Variants in BACE1 observed in about 807,000 individuals in gnomAD.
BACE1 encodes the protein beta-secretase 1, also known as APP beta-secretase.
In BACE1, 21 loss-of-function variants were observed where a neutral mutation model predicts 54.0. That is an observed-to-expected ratio of 0.39 (90% CI 0.28 to 0.56). BACE1 has a LOEUF of 0.56. Ranked by LOEUF, BACE1 falls within the 20% of genes least tolerant of loss-of-function variation. The pLI, the probability that BACE1 is intolerant of heterozygous loss-of-function variation, is 0.63. For synonymous variants in BACE1, 232 were observed against 260.9 expected (o/e 0.89, Z 1.07); for missense variants, 511 against 661.2 (o/e 0.77, Z 2.49).
intron 1 of BACE1, among the ~76,000 whole-genome samples, chr11:117,307,766 G>A (rs1159739572): frequency 6.6e-6 from 1 of 152,258 alleles, no homozygotes; most frequent in Non-Finnish European, 1.5e-5. Context: ...CTGGTCTGGG[G>A]AGTAGAGGAG....
intron 1 of BACE1, among the ~76,000 whole-genome samples, chr11:117,300,076 A>G (rs1217343802): frequency 1.3e-5 from 2 of 151,880 alleles, no homozygotes; most frequent in Admixed American, 1.3e-4. Flanking sequence ...AGCTCTCTGC[A>G]GGGTACTCCC....
chr11:117,299,081 G>A (rs943473697), intron 1 of BACE1, among the ~76,000 whole-genome samples: 3 of 152,070 alleles, frequency 2.0e-5, no homozygotes, highest in African/African-American at 4.8e-5. Flanking sequence ...GCTGAGGCGT[G>A]AGCTACCATG....
Position 117,293,955 on chromosome 11 carries a change from A to G in BACE1, c.621T>C (p.Val207=). The change falls in exon 4 of 9, where the codon GTT becomes GTC. Residue 207 remains valine (V), a synonymous_variant. Transcript: ENST00000313005. This position sits in a 1 kb window ranked among gnomAD's most constrained non-coding sequence, Gnocchi z 4.1. ...AAAGCTGCAGGGAGAAGAGGTTGGG[A>G]ACGTGGGTCTGCTTTACCAGAGAGT... ...FFDSLVKQTH[V]PNLFSLQLCG... 1 of 1,614,068 alleles carries G rather than the reference A, an allele frequency of 6.2e-7. No homozygotes were observed. Among genetic ancestry groups the G allele is most frequent in the Non-Finnish European group, 8.5e-7 (1 of 1,179,982 alleles).
chr11:117,304,434 C>T (rs971994117), intron 1 of BACE1, among the ~76,000 whole-genome samples: 1 of 152,222 alleles, frequency 6.6e-6, no homozygotes, highest in Admixed American at 6.5e-5. Context: ...TTGGAGTAGT[C>T]TGTTACCCAG....
intron 1 of BACE1, among the ~76,000 whole-genome samples, chr11:117,305,831 C>T (rs529119463): frequency 3.3e-5 from 5 of 152,016 alleles, no homozygotes; most frequent in South Asian, 4.2e-4. Flanking sequence ...GTCAGGAGAT[C>T]GAGACCATCC....
rs762431188 is a variant in BACE1, at chr11:117,291,089, C to G, written c.943-40G>C. ...AGGGGATAACAATGAGGAAAAGCCT[C>G]TTTATCATCTCGCCCCTCCCATGTT... is the stretch of plus-strand genomic sequence containing the variant. On this transcript the variant is annotated intron_variant, in intron 6 of 8. Coordinates refer to ENST00000313005, the MANE Select transcript of BACE1 (RefSeq NM_012104.6). 4.4e-6 allele frequency: 7 copies of G among 1,603,838 alleles called. No homozygotes were observed. The East Asian group carries it at 1.3e-4, about 31-fold the overall frequency.
At chr11:117,297,621 C>CA (rs869068017) in intron 1 of BACE1, among the ~76,000 whole-genome samples, 91 of 145,520 alleles carry the variant, frequency 6.3e-4, no homozygotes, top group South Asian at 3.3e-3. Context: ...GTCTCAACAA[C>CA]AAAAAAAAAA....
chr11:117,292,799 C>T (rs1281164989), intron 5 of BACE1: 5 of 370,862 alleles, frequency 1.3e-5, no homozygotes, highest in East Asian at 5.6e-5. Context: ...CCCAAGGCTA[C>T]GAAGCAAGGC....
intron 8 of BACE1, 111 bp downstream of exon 8, chr11:117,290,377 C>T (rs2034387483): frequency 7.4e-7 from 1 of 1,353,118 alleles, no homozygotes; most frequent in South Asian, 1.5e-5. Flanking sequence ...GGGTTTGAGG[C>T]AACTGTTACT....
At chr11:117,291,533 C>T (rs1006137895) in intron 6 of BACE1, among the ~76,000 whole-genome samples, 179 bp downstream of exon 6, 1 of 152,180 alleles carries the variant, frequency 6.6e-6, no homozygotes, top group African/African-American at 2.4e-5. Flanking sequence ...ACCTTGGCCT[C>T]CCAAAGTGCT....
At chr11:117,295,417 T>C in intron 2 of BACE1, 70 bp from the exon 3 acceptor site, 2 of 1,570,516 alleles carry the variant, frequency 1.3e-6, no homozygotes, top group Non-Finnish European at 8.6e-7. Context: ...TTAAACTTAC[T>C]CCCAAACACC....
In BACE1 at chr11:117,287,196, A is replaced by G. The variant is rs979993114; in HGVS notation, c.*2370T>C. 1 of 152,244 alleles carries G rather than the reference A, an allele frequency of 6.6e-6. No individual in the cohort carries two copies. Among genetic ancestry groups the G allele is most frequent in the African/African-American group, 2.4e-5 (1 of 41,454 alleles). 9.4% of individuals were successfully genotyped at this position (152,244 alleles called of 1,614,324 possible). ...GGATAAGTGTTTTGGAGAGTTGTGC[A>G]TGGGAGCGAGCGCCTCAGTGTTACT... is the stretch of plus-strand genomic sequence containing the variant. On this transcript the variant is annotated 3_prime_UTR_variant, in exon 9 of 9. Transcript: ENST00000313005.
intron 1 of BACE1, among the ~76,000 whole-genome samples, chr11:117,306,017 CAG>C (rs1254157919): frequency 1.3e-5 from 2 of 152,110 alleles, no homozygotes; most frequent in African/African-American, 4.8e-5. Context: ...GCCTGGGCGA[CAG>C]AGTGAGACTC....
intron 1 of BACE1, among the ~76,000 whole-genome samples, chr11:117,307,696 C>T (rs950274399): frequency 7.2e-5 from 11 of 152,138 alleles, no homozygotes; most frequent in Non-Finnish European, 1.6e-4. Flanking sequence ...CACCTTAGTG[C>T]TTTTAGAGAG....
chr11:117,313,221 G>A (rs2034994161), intron 1 of BACE1, among the ~76,000 whole-genome samples: 1 of 152,158 alleles, frequency 6.6e-6, no homozygotes, highest in African/African-American at 2.4e-5. Context: ...AGAAATCATA[G>A]TGCAAGCCAC....
chr11:117,312,608 G>A (rs1372697251), intron 1 of BACE1, among the ~76,000 whole-genome samples: 2 of 152,022 alleles, frequency 1.3e-5, no homozygotes, highest in East Asian at 1.9e-4. Flanking sequence ...GATTATAGGC[G>A]CCTGCCACCA....
chr11:117,291,503 C>T (rs925354919), intron 6 of BACE1, among the ~76,000 whole-genome samples: 3 of 152,080 alleles, frequency 2.0e-5, no homozygotes, highest in African/African-American at 2.4e-5. Context: ...GTCTTGAACT[C>T]CTGACCTAGT....
chr11:117,302,935 G>T (rs991107367), intron 1 of BACE1, among the ~76,000 whole-genome samples: 1 of 152,138 alleles, frequency 6.6e-6, no homozygotes, highest in African/African-American at 2.4e-5. Flanking sequence ...ATTATACACT[G>T]AATCTCACCT....
At chr11:117,294,288 C>T (rs1231431461) in intron 3 of BACE1, 1 of 213,438 alleles carries the variant, frequency 4.7e-6, no homozygotes, top group African/African-American at 2.3e-5. Context: ...ACGATCTCGG[C>T]TCACTGCAAC....
Sources: allele counts gnomAD v4.1 joint callset (sites outside exome capture counted in the v4.1 genomes callset), GRCh38; gene constraint gnomAD v4.1.1; non-coding constraint Gnocchi (gnomAD v3.1); transcripts MANE v1.5; gene names NCBI Gene and HGNC (gene_info 2026-07-23, HGNC 2026-07-21).